The following PKD1L1 variants were observed in gnomAD, a reference collection of about 807,000 sequenced individuals.
PKD1L1 encodes polycystin-1-like protein 1.
A neutral mutation model predicts 323.4 loss-of-function variants in PKD1L1; 236 were observed. The observed-to-expected ratio is 0.73, with a 90% confidence interval of 0.66 to 0.81. The LOEUF (loss-of-function observed/expected upper bound fraction) is 0.81. Ranked by LOEUF, PKD1L1 falls within the 40% of genes least tolerant of loss-of-function variation. The pLI is 0.00. For synonymous variants in PKD1L1, 1,344 were observed against 1,335.0 expected (o/e 1.01, Z -0.15); for missense variants, 3,320 against 3,508.0 (o/e 0.95, Z 1.35).
At position 47,905,252 on chromosome 7, in the gene PKD1L1, T is replaced by C. The variant is rs1787178788; in HGVS notation, c.1596A>G (p.Glu532=). Residue 532 remains glutamate, a synonymous_variant, in exon 11 of 57, where the codon GAA becomes GAG. Transcript: ENST00000289672. ...ACCACTCAAATTCCAGGGGTATTGT[T>C]TCCTTGGTAACAGCTGTAAATGTAA... ...TDITFTAVTK[E]TIPLEFEWYF... 1.2e-6 allele frequency: 2 copies of C among 1,614,032 alleles called. No individual in the cohort carries two copies. The highest frequency in any genetic ancestry group is 1.3e-5 in the African/African-American group (1 of 74,944).
chr7:47,929,170 C>A, intron 7 of PKD1L1, 34 bp downstream of exon 7: 1 of 1,585,876 alleles, frequency 6.3e-7, no homozygotes, highest in Non-Finnish European at 8.6e-7. Context: ...GGACCTCCTT[C>A]CCAGGCTCCT....
chr7:47,776,294 G>A (rs1166136885), intron 56 of PKD1L1, among the ~76,000 whole-genome samples: 2 of 152,212 alleles, frequency 1.3e-5, no homozygotes, highest in Non-Finnish European at 2.9e-5. Context: ...AACTGAAGCA[G>A]AGAGAATATT....
chr7:47,851,447 T>C (rs570434607), intron 31 of PKD1L1, among the ~76,000 whole-genome samples: 3 of 152,226 alleles, frequency 2.0e-5, no homozygotes, highest in Admixed American at 6.5e-5. Flanking sequence ...CCATGCACCA[T>C]AGAGACAAGA....
chr7:47,777,291 T>A (rs1786589589), intron 56 of PKD1L1, among the ~76,000 whole-genome samples: 2 of 152,228 alleles, frequency 1.3e-5, no homozygotes, highest in South Asian at 4.1e-4. Context: ...GGGAAAATAT[T>A]CTTGGGGACT....
chr7:47,932,692 G>A (rs1045713647), intron 4 of PKD1L1, among the ~76,000 whole-genome samples: 1 of 152,134 alleles, frequency 6.6e-6, no homozygotes, highest in African/African-American at 2.4e-5. Flanking sequence ...TCTCGGCGGC[G>A]GCTCCAGGCC....
intron 31 of PKD1L1, among the ~76,000 whole-genome samples, chr7:47,851,715 T>C (rs1785786188): frequency 6.6e-6 from 1 of 152,142 alleles, no homozygotes; most frequent in Admixed American, 6.5e-5. Flanking sequence ...CACCATCGCC[T>C]ATGGAATATG....
chr7:47,885,218 G>A (rs1786656129), intron 18 of PKD1L1, among the ~76,000 whole-genome samples: 1 of 152,208 alleles, frequency 6.6e-6, no homozygotes, highest in South Asian at 2.1e-4. Flanking sequence ...CATAGCCCAA[G>A]AGTAAGCAGC....
chr7:47,843,051 A>T lies in PKD1L1; in HGVS notation c.5356T>A (p.Phe1786Ile), dbSNP rs371548989. The change falls in exon 34 of 57, where the codon TTT becomes ATT. Residue 1786 changes from phenylalanine (F) to isoleucine (I), a missense_variant. Coordinates refer to ENST00000289672, the MANE Select transcript of PKD1L1 (RefSeq NM_138295.5). ...HHEKKKAGYIFLQEASLPGHQ... is the reference protein window; with the variant it reads ...HHEKKKAGYIILQEASLPGHQ... Reference sequence around the variant, plus strand: ...CCCGGCAGGGAAGCTTCTTGCAGAAAGATGTAACCAGCTTTCTTTTTTTCA... The same window carrying T: ...CCCGGCAGGGAAGCTTCTTGCAGAATGATGTAACCAGCTTTCTTTTTTTCA... 3 of 1,613,922 alleles carry T rather than the reference A, an allele frequency of 1.9e-6. No homozygotes were observed. The African/African-American group carries it at 4.0e-5, about 22-fold the overall frequency.
At chr7:47,948,277 G>A (rs907062127) in intron 1 of PKD1L1, 120 bp downstream of exon 1, 6 of 1,155,190 alleles carry the variant, frequency 5.2e-6, no homozygotes. Flanking sequence ...CCTGGTACAG[G>A]GCCTCCACTC....
At chr7:47,901,136 T>TA (rs1787078132) in intron 13 of PKD1L1, among the ~76,000 whole-genome samples, 1 of 152,054 alleles carries the variant, frequency 6.6e-6, no homozygotes, top group South Asian at 2.1e-4. Flanking sequence ...GGCCAGGAGT[T>TA]AAAGACCAGC....
intron 54 of PKD1L1, among the ~76,000 whole-genome samples, chr7:47,797,317 C>T (rs973796811): frequency 2.0e-5 from 3 of 152,198 alleles, no homozygotes; most frequent in Non-Finnish European, 4.4e-5. Context: ...TGAGGGAGTT[C>T]CCCCACATGG....
At chr7:47,953,431 G>A (rs1431116578), upstream of PKD1L1, among the ~76,000 whole-genome samples, 1 of 152,154 alleles carries the variant, frequency 6.6e-6, no homozygotes, top group East Asian at 1.9e-4. Flanking sequence ...AATCCTCTTA[G>A]GAAAGGACTG....
chr7:47,839,577 C>G lies in PKD1L1; in HGVS notation c.5638G>C (p.Val1880Leu). The change falls in exon 36 of 57, where the codon GTG becomes CTG. Residue 1880 changes from valine (V) to leucine (L), a missense_variant. Coordinates refer to ENST00000289672, the MANE Select transcript of PKD1L1 (RefSeq NM_138295.5). This position sits in a 1 kb window ranked among gnomAD's most constrained non-coding sequence, Gnocchi z 4.3. ...GPSPGWFISH[V>L]MVKELHTGQG... ...CCCGTGTGCAGCTCCTTCACCATCA[C>G]GTGGCTGATGAACCAGCCTGGGGAA... 6.2e-7 allele frequency: 1 copy of G among 1,603,226 alleles called. No individual in the cohort carries two copies. The highest frequency in any genetic ancestry group is 8.5e-7 in the Non-Finnish European group (1 of 1,175,326).
intron 52 of PKD1L1, among the ~76,000 whole-genome samples, 177 bp from the exon 53 acceptor site, chr7:47,803,521 A>C (rs1366626989): frequency 6.6e-6 from 1 of 152,218 alleles, no homozygotes; most frequent in Admixed American, 6.5e-5. Flanking sequence ...AGTTGGAACT[A>C]GGGGTAAATA....
intron 55 of PKD1L1, among the ~76,000 whole-genome samples, chr7:47,794,960 C>T (rs1456931706): frequency 6.6e-6 from 1 of 152,256 alleles, no homozygotes; most frequent in East Asian, 1.9e-4. Context: ...AATCCCTGTA[C>T]CCCCATTGTA....
At chr7:47,915,371 C>A in intron 8 of PKD1L1, 61 bp downstream of exon 8, 1 of 772,110 alleles carries the variant, frequency 1.3e-6, no homozygotes, top group Non-Finnish European at 2.4e-6. Context: ...ATGAAAATTC[C>A]TGACAAACAG....
At chr7:47,888,674 G>A (rs566217689) in intron 16 of PKD1L1, among the ~76,000 whole-genome samples, 11 of 152,182 alleles carry the variant, frequency 7.2e-5, no homozygotes, top group Non-Finnish European at 1.5e-4. Context: ...CCTCGGCCCC[G>A]CCTCTTCCCT....
chr7:47,862,470 C>T (rs191765380), intron 26 of PKD1L1, among the ~76,000 whole-genome samples: 20 of 152,238 alleles, frequency 1.3e-4, no homozygotes, highest in African/African-American at 3.1e-4. Flanking sequence ...GCCTGCCATG[C>T]GTTACACCTA....
chr7:47,960,244 G>C, the PKD1L1 span, among the ~76,000 whole-genome samples: 18 of 149,672 alleles, frequency 1.2e-4, no homozygotes, highest in African/African-American at 4.2e-4. Flanking sequence ...GAAGGCCGCA[G>C]GGTCCTCTGC....
Sources: allele counts gnomAD v4.1 joint callset (sites outside exome capture counted in the v4.1 genomes callset), GRCh38; gene constraint gnomAD v4.1.1; non-coding constraint Gnocchi (gnomAD v3.1); transcripts MANE v1.5; gene names NCBI Gene and HGNC (gene_info 2026-07-23, HGNC 2026-07-21).